The following IQSEC3 variants were observed in gnomAD, a reference collection of about 807,000 sequenced individuals.
The protein encoded by IQSEC3 is IQ motif and Sec7 domain ArfGEF 3, also known as IQ motif and SEC7 domain-containing protein 3.
Under a neutral mutation model 105.4 loss-of-function variants are expected in IQSEC3, and 50 were observed. The observed-to-expected ratio is 0.47, with a 90% confidence interval of 0.38 to 0.60. The LOEUF (loss-of-function observed/expected upper bound fraction) is 0.60, where lower values mean the gene tolerates loss of function less well. IQSEC3 is among the 20% of genes least tolerant of loss of function. IQSEC3 has a pLI of 0.00. For synonymous variants in IQSEC3, 708 were observed against 746.0 expected (o/e 0.95, Z 0.83); for missense variants, 1,415 against 1,630.0 (o/e 0.87, Z 2.27).
At chr12:105,585 C>CCTGT (rs1864621786) in intron 2 of IQSEC3, among the ~76,000 whole-genome samples, 1 of 152,224 alleles carries the variant, frequency 6.6e-6, no homozygotes, top group South Asian at 2.1e-4. Context: ...AACTGTGTGA[C>CCTGT]CTGTCACTTT....
At chr12:161,188 A>AT (rs1555096082) in intron 7 of IQSEC3, among the ~76,000 whole-genome samples, 1 of 152,090 alleles carries the variant, frequency 6.6e-6, no homozygotes, top group Non-Finnish European at 1.5e-5. Context: ...TTTATTTTTA[A>AT]TTTTTCCCTC....
Position 101,456 on chromosome 12 carries a change from G to A in IQSEC3, c.623+2242G>A, listed in dbSNP as rs74852779. 1.0e-2 allele frequency among the ~76,000 whole-genome samples: 1,518 copies of A among 152,300 alleles called. 12 individuals are homozygous for A. The highest frequency in any genetic ancestry group is 0.017 in the Non-Finnish European group (1,130 of 68,028). On this transcript the variant is annotated intron_variant, in intron 2 of 13. Coordinates refer to ENST00000538872, the MANE Select transcript of IQSEC3 (RefSeq NM_001170738.2). ...CTTGTTGTTCACCTTCCCCTGGGAGGTGCGGGCTTTGAGGTTGGGGACAGG... is the reference window on the plus strand; with the variant it reads ...CTTGTTGTTCACCTTCCCCTGGGAGATGCGGGCTTTGAGGTTGGGGACAGG...
chr12:128,634 G>T (rs537315362), intron 3 of IQSEC3, among the ~76,000 whole-genome samples: 1 of 152,110 alleles, frequency 6.6e-6, no homozygotes, highest in East Asian at 1.9e-4. Flanking sequence ...CTCTGCTCTA[G>T]CCCCAAGCCC....
Position 178,400 on chromosome 12 carries a change from AT to A in IQSEC3, c.*3371del, listed in dbSNP as rs1939302560. ...TTTTGTAACAAAATAGCCCAGAGGT[AT>A]TTTATCTGTTCAATTCATAGAGTTT... On this transcript the variant is annotated 3_prime_UTR_variant, in exon 14 of 14. Coordinates refer to ENST00000538872, the MANE Select transcript of IQSEC3 (RefSeq NM_001170738.2). The A allele has an allele frequency of 6.6e-6, 1 of 152,224 alleles. No homozygotes were observed. Among genetic ancestry groups the A allele is most frequent in the Non-Finnish European group, 1.5e-5 (1 of 68,040 alleles). The allele number at this position is 152,224 out of a possible 1,614,324, so 9.4% of individuals were successfully genotyped here. A position where few individuals can be genotyped will look rare whatever the true frequency, so the allele number is the denominator to read the frequency against.
intron 3 of IQSEC3, among the ~76,000 whole-genome samples, chr12:131,948 G>A (rs1591695596): frequency 6.6e-6 from 1 of 152,206 alleles, no homozygotes; most frequent in Non-Finnish European, 1.5e-5. Context: ...TGCTGGACAG[G>A]ATGACTAAGA....
chr12:168,473 C>T (rs1938792827), intron 11 of IQSEC3, among the ~76,000 whole-genome samples: 1 of 152,214 alleles, frequency 6.6e-6, no homozygotes, highest in African/African-American at 2.4e-5. Flanking sequence ...TCTGCTGTGC[C>T]AAGTGCGTTT....
At chr12:120,130 A>C (rs186333894) in intron 2 of IQSEC3, among the ~76,000 whole-genome samples, 55 of 152,358 alleles carry the variant, frequency 3.6e-4, no homozygotes, top group Admixed American at 3.1e-3. Flanking sequence ...AGAGAGACAC[A>C]TCAGTGAATA....
intron 1 of IQSEC3, among the ~76,000 whole-genome samples, chr12:80,320 T>G (rs1555070431): frequency 6.6e-6 from 1 of 152,196 alleles, no homozygotes; most frequent in African/African-American, 2.4e-5. Flanking sequence ...TTATCAAGTT[T>G]GGGGGAGCCA....
In IQSEC3 at chr12:174,642, G is replaced by T. The variant is rs559230557; in HGVS notation, c.3158G>T (p.Gly1053Val). Residue 1053 changes from glycine (G) to valine (V), a missense_variant, in exon 14 of 14, where the codon GGG becomes GTG. Gly to Val is a moderately radical substitution (Grantham distance 109, BLOSUM62 -3). This residue lies in a region of IQSEC3 where 419 missense variants were observed against 436.2 expected (regional missense o/e 0.96). Coordinates refer to ENST00000538872, the MANE Select transcript of IQSEC3 (RefSeq NM_001170738.2). Reference protein sequence around the residue: ...NRLQTSQHNSGLGAERGAPVP... With the variant: ...NRLQTSQHNSVLGAERGAPVP... ...CTTCAAACGTCCCAGCACAACTCCG[G>T]GCTGGGGGCCGAGAGGGGAGCGCCG... The T allele has an allele frequency of 8.2e-6, 13 of 1,579,982 alleles. No homozygotes were observed. In the African/African-American group the frequency reaches 1.7e-4, roughly 21 times the overall value.
intron 1 of IQSEC3, among the ~76,000 whole-genome samples, chr12:94,396 G>A (rs1201875744): frequency 1.3e-5 from 2 of 152,210 alleles, no homozygotes; most frequent in African/African-American, 4.8e-5. Flanking sequence ...GGGCAGGGTG[G>A]GTGGCCAGGC....
At chr12:125,974 C>T (rs1240560476) in intron 3 of IQSEC3, 62 bp downstream of exon 3, 194 of 1,471,020 alleles carry the variant, frequency 1.3e-4, no homozygotes, top group Middle Eastern at 9.5e-4. Flanking sequence ...TGGGGGCTGT[C>T]GAGGGTACCA....
intron 2 of IQSEC3, among the ~76,000 whole-genome samples, chr12:102,707 TGG>T (rs1864466664): frequency 6.6e-6 from 1 of 152,094 alleles, no homozygotes; most frequent in African/African-American, 2.4e-5. Flanking sequence ...AACTCTGTCT[TGG>T]GGCTGGGAGC....
chr12:124,687 C>T (rs1324379218), intron 2 of IQSEC3, among the ~76,000 whole-genome samples: 1 of 152,204 alleles, frequency 6.6e-6, no homozygotes, highest in Non-Finnish European at 1.5e-5. Context: ...TTCCAGGAGA[C>T]ACAGCAGTGA....
chr12:76,147 G>A (rs1555069033), intron 1 of IQSEC3, among the ~76,000 whole-genome samples: 1 of 151,174 alleles, frequency 6.6e-6, no homozygotes, highest in Non-Finnish European at 1.5e-5. Context: ...CTCAGCAGGT[G>A]GAGTGAGAAA....
intron 1 of IQSEC3, among the ~76,000 whole-genome samples, chr12:90,715 A>C (rs1007074386): frequency 1.3e-5 from 2 of 152,116 alleles, no homozygotes; most frequent in African/African-American, 2.4e-5. Context: ...CATCTTAATT[A>C]TGGTAGCTTC....
intron 12 of IQSEC3, among the ~76,000 whole-genome samples, chr12:170,541 T>C (rs116641575): frequency 0.064 from 9,737 of 152,054 alleles, 1,023 homozygotes; most frequent in African/African-American, 0.22. Flanking sequence ...AAGCTGGGAG[T>C]GACTCAGCCA....
chr12:126,465 G>A (rs1332904932), intron 3 of IQSEC3, among the ~76,000 whole-genome samples: 4 of 152,030 alleles, frequency 2.6e-5, no homozygotes, highest in African/African-American at 9.7e-5. Flanking sequence ...AGAGAAAGTG[G>A]CCAATTGTGG....
chr12:165,815 G>A lies in IQSEC3; in HGVS notation c.2896G>A (p.Glu966Lys). The A allele has an allele frequency of 4.3e-6, 7 of 1,614,098 alleles. No individual in the cohort carries two copies. The highest frequency in any genetic ancestry group is 1.3e-5 in the African/African-American group (1 of 75,074). The change falls in exon 11 of 14, where the codon GAG (glutamate) becomes AAG (lysine). Residue 966 changes from glutamate (E) to lysine (K), a missense_variant. Glu to Lys is a moderately conservative substitution (Grantham distance 56). Transcript: ENST00000538872. ...VLHFCALGSD[E>K]MQKFVEDLKE... ...GCATTTCTGTGCCCTGGGCTCGGAC[G>A]AGATGCAGAAGTTCGTGGAGGACCT... is the stretch of plus-strand genomic sequence containing the variant.
At chr12:115,857 T>G (rs1327445131) in intron 2 of IQSEC3, among the ~76,000 whole-genome samples, 1 of 152,150 alleles carries the variant, frequency 6.6e-6, no homozygotes, top group African/African-American at 2.4e-5. Flanking sequence ...CATCTGTAAC[T>G]CAGAGTCACC....
Sources: gnomAD v4.1 joint callset for allele counts (sites outside exome capture counted in the v4.1 genomes callset) on GRCh38, gnomAD v4.1.1 for gene constraint, gnomAD v4.1.1 regional missense constraint, MANE v1.5 for transcripts, NCBI Gene and HGNC (gene_info 2026-07-23, HGNC 2026-07-21) for gene names.